CLEC2A: variants seen among roughly 807,000 people sequenced by gnomAD.
CLEC2A encodes keratinocyte-associated C-type lectin.
In CLEC2A, 19 loss-of-function variants were observed where a neutral mutation model predicts 18.6. That is an observed-to-expected ratio of 1.02 (90% CI 0.71 to 1.50). CLEC2A has a LOEUF of 1.50. Among genes scored for constraint, CLEC2A ranks in the 40% most tolerant of loss-of-function variants. The pLI is 0.00. For missense variants in CLEC2A, 190 were observed against 207.9 expected, an observed-to-expected ratio of 0.91 and a Z score of 0.53; for synonymous variants, 74 against 64.0, an observed-to-expected ratio of 1.16 and a Z score of -0.75.
chr12:9,893,150 T>C, the CLEC2A span: 1 of 1,532,676 alleles, frequency 6.5e-7, no homozygotes, highest in Non-Finnish European at 8.7e-7. Context: ...TACTGGTGAT[T>C]CAAAATTTGG....
chr12:9,910,768 G>C (rs1484480638), downstream of CLEC2A, among the ~76,000 whole-genome samples: 2 of 152,156 alleles, frequency 1.3e-5, no homozygotes, highest in Non-Finnish European at 1.5e-5. Context: ...CTGAGAGTGT[G>C]GGTTTATTCG....
At chr12:9,894,126 T>TTCTCTCTCTCTCTCTCTC (rs141327204), downstream of CLEC2A, among the ~76,000 whole-genome samples, 30 of 130,286 alleles carry the variant, frequency 2.3e-4, no homozygotes, top group African/African-American at 6.8e-4. Context: ...TTTCTTTTCT[T>TTCTCTCTCTCTCTCTCTC]TCTCTCTCTC....
chr12:9,881,823 TC>T, the CLEC2A span, among the ~76,000 whole-genome samples: 1 of 152,194 alleles, frequency 6.6e-6, no homozygotes, highest in Non-Finnish European at 1.5e-5. Flanking sequence ...CATGAAAGCA[TC>T]AACAATAAAA....
At chr12:9,911,740 A>T (rs1187552957), downstream of CLEC2A, among the ~76,000 whole-genome samples, 1 of 152,206 alleles carries the variant, frequency 6.6e-6, no homozygotes, top group African/African-American at 2.4e-5. Context: ...TAAACATCAC[A>T]CACAGTATAC....
chr12:9,890,530 A>T, the CLEC2A span, among the ~76,000 whole-genome samples: 2 of 152,144 alleles, frequency 1.3e-5, no homozygotes, highest in African/African-American at 4.8e-5. Flanking sequence ...GCATGCATTT[A>T]CCACGTGTCA....
downstream of CLEC2A, among the ~76,000 whole-genome samples, chr12:9,910,631 A>G (rs1862970595): frequency 6.6e-6 from 1 of 152,132 alleles, no homozygotes; most frequent in Admixed American, 6.5e-5. Flanking sequence ...ACACACTTTC[A>G]ACCTCCAAGA....
the CLEC2A span, chr12:9,884,910 GA>G: frequency 1.3e-6 from 1 of 789,884 alleles, no homozygotes; most frequent in Admixed American, 3.2e-5. Flanking sequence ...ATAATCACAA[GA>G]ATTCTAAAAT....
intron 4 of CLEC2A, 50 bp from the exon 5 acceptor site, chr12:9,913,730 C>A (rs1204727335): frequency 1.0e-5 from 12 of 1,172,058 alleles, no homozygotes; most frequent in Non-Finnish European, 7.2e-6. Flanking sequence ...CGGCTGTAAT[C>A]AAAAAGACAA....
At chr12:9,895,044 A>G (rs1395219319), downstream of CLEC2A, among the ~76,000 whole-genome samples, 1 of 152,188 alleles carries the variant, frequency 6.6e-6, no homozygotes, top group Non-Finnish European at 1.5e-5. Flanking sequence ...AGCTCTCTTC[A>G]AAGGCATTCC....
At chr12:9,899,020 T>A in intron 4 of CLEC2A, 1 of 698,542 alleles carries the variant, frequency 1.4e-6, no homozygotes, top group Non-Finnish European at 2.6e-6. Flanking sequence ...AAAACATATA[T>A]CAAAACGAAA....
intron 2 of CLEC2A, 100 bp from the exon 3 acceptor site, chr12:9,922,332 G>A (rs188317386): frequency 2.1e-6 from 2 of 971,814 alleles, no homozygotes; most frequent in Non-Finnish European, 1.4e-6. Context: ...CACAGTTTGA[G>A]GCCCGTAAGT....
intron 4 of CLEC2A, among the ~76,000 whole-genome samples, chr12:9,907,300 T>G (rs1862919933): frequency 6.6e-6 from 1 of 152,182 alleles, no homozygotes; most frequent in African/African-American, 2.4e-5. Flanking sequence ...TTCTTCAATT[T>G]GATGAATTTC....
At chr12:9,886,295 A>G in the CLEC2A span, among the ~76,000 whole-genome samples, 1 of 152,172 alleles carries the variant, frequency 6.6e-6, no homozygotes, top group Non-Finnish European at 1.5e-5. Context: ...TGGAGTATTG[A>G]CCATAAATAT....
chr12:9,930,651 T>C (rs1397136491), intron 1 of CLEC2A, among the ~76,000 whole-genome samples: 1 of 152,074 alleles, frequency 6.6e-6, no homozygotes, highest in Admixed American at 6.5e-5. Flanking sequence ...TGTACACTTT[T>C]GAAGTTTCAG....
At chr12:9,928,125 GAGA>G (rs1863309179) in intron 1 of CLEC2A, among the ~76,000 whole-genome samples, 1 of 152,162 alleles carries the variant, frequency 6.6e-6, no homozygotes, top group Non-Finnish European at 1.5e-5. Context: ...AGAGAAAGAA[GAGA>G]AAGTACAGTG....
intron 4 of CLEC2A, among the ~76,000 whole-genome samples, chr12:9,915,201 TA>T (rs1449104460): frequency 6.6e-6 from 1 of 151,878 alleles, no homozygotes; most frequent in Non-Finnish European, 1.5e-5. Context: ...GTCAAAAAAC[TA>T]AAGATGCTGG....
the CLEC2A span, among the ~76,000 whole-genome samples, chr12:9,881,935 G>A: frequency 6.6e-6 from 1 of 152,014 alleles, no homozygotes; most frequent in African/African-American, 2.4e-5. Flanking sequence ...AGAAAAGGCT[G>A]AAAAATTGTG....
At chr12:9,885,531 G>A in the CLEC2A span, among the ~76,000 whole-genome samples, 1 of 151,726 alleles carries the variant, frequency 6.6e-6, no homozygotes, top group African/African-American at 2.4e-5. Context: ...CATATAACAT[G>A]ACAGGAAATA....
chr12:9,907,164 G>A (rs1862918096), intron 4 of CLEC2A, among the ~76,000 whole-genome samples: 1 of 152,172 alleles, frequency 6.6e-6, no homozygotes, highest in South Asian at 2.1e-4. Context: ...CAGGCTGCCT[G>A]TGGCTTCCGT....
Sources: gnomAD v4.1 joint callset for allele counts (sites outside exome capture counted in the v4.1 genomes callset) on GRCh38, gnomAD v4.1.1 for gene constraint, MANE v1.5 for transcripts, NCBI Gene and HGNC (gene_info 2026-07-23, HGNC 2026-07-21) for gene names.